EXT2: variants seen among roughly 807,000 people sequenced by gnomAD.
The protein encoded by EXT2 is exostosin glycosyltransferase 2, also known as exostosin-2.
Under a neutral mutation model 81.6 loss-of-function variants are expected in EXT2, and 53 were observed. The ratio of observed to expected loss-of-function variants is 0.65; its 90% CI spans 0.52 to 0.82. EXT2 has a LOEUF of 0.82. Ranked by LOEUF, EXT2 falls within the 40% of genes least tolerant of loss-of-function variation. The pLI, the probability that EXT2 is intolerant of heterozygous loss-of-function variation, is 0.00. For missense variants in EXT2, 774 were observed against 910.2 expected, an observed-to-expected ratio of 0.85 and a Z score of 1.93; for synonymous variants, 320 against 340.0, an observed-to-expected ratio of 0.94 and a Z score of 0.65.
Position 44,245,082 on chromosome 11 carries a change from C to A in EXT2, c.*795C>A, listed in dbSNP as rs76505631. 4.1e-3 allele frequency: 948 copies of A among 230,806 alleles called. 16 individuals are homozygous for A. The highest frequency in any genetic ancestry group is 0.019 in the African/African-American group (877 of 45,320). 14.3% of individuals were successfully genotyped at this position (230,806 alleles called of 1,614,324 possible). A position where few individuals can be genotyped will look rare whatever the true frequency, so the allele number is the denominator to read the frequency against. On this transcript the variant is annotated 3_prime_UTR_variant, in exon 14 of 14. Coordinates refer to ENST00000533608, the MANE Select transcript of EXT2 (RefSeq NM_207122.2). ...AATGTCTGATACCCTCTGCATCAAG[C>A]GTAAGAAGGTCCCAAATCATAACCA... is the stretch of plus-strand genomic sequence containing the variant.
In EXT2 at chr11:44,201,859, G is replaced by A. The variant is rs1955525921; in HGVS notation, c.1495+3841G>A. On this transcript the variant is annotated intron_variant, in intron 9 of 13. Coordinates refer to ENST00000533608, the MANE Select transcript of EXT2 (RefSeq NM_207122.2). ...AATTCCATATCAGGATTATCTAAAG[G>A]CAGGATATAATTTTAATGCTTATTC... is the stretch of plus-strand genomic sequence containing the variant. Among the ~76,000 whole-genome samples, 4 of 151,936 alleles carry A rather than the reference G, an allele frequency of 2.6e-5. No homozygotes were observed. In the South Asian group the frequency reaches 6.2e-4, roughly 24 times the overall value.
At chr11:44,189,229 G>A (rs1472889936) in intron 8 of EXT2, among the ~76,000 whole-genome samples, 1 of 152,200 alleles carries the variant, frequency 6.6e-6, no homozygotes, top group Non-Finnish European at 1.5e-5. Flanking sequence ...GCTTTAAGTT[G>A]ATAATTAACT....
intron 8 of EXT2, among the ~76,000 whole-genome samples, chr11:44,194,139 G>T (rs1955428399): frequency 6.6e-6 from 1 of 152,162 alleles, no homozygotes; most frequent in African/African-American, 2.4e-5. Flanking sequence ...ATGTCATAAA[G>T]ACATTTAAGT....
chr11:44,148,539 A>G (rs1191829116), intron 7 of EXT2, among the ~76,000 whole-genome samples: 4 of 152,232 alleles, frequency 2.6e-5, no homozygotes, highest in Non-Finnish European at 5.9e-5. Flanking sequence ...AAGCAGGACC[A>G]GTAAACCCCC....
chr11:44,161,127 C>T (rs1328177979), intron 7 of EXT2, among the ~76,000 whole-genome samples: 2 of 152,150 alleles, frequency 1.3e-5, no homozygotes, highest in African/African-American at 2.4e-5. Context: ...TAGATTTCAT[C>T]TCTAAGATTT....
At chr11:44,238,354 A>G (rs1393259699) in intron 13 of EXT2, among the ~76,000 whole-genome samples, 1 of 152,056 alleles carries the variant, frequency 6.6e-6, no homozygotes, top group Non-Finnish European at 1.5e-5. Context: ...ACTAGTTCTT[A>G]AATTTTTTGT....
At chr11:44,218,329 T>C (rs1955742619) in intron 10 of EXT2, among the ~76,000 whole-genome samples, 1 of 152,114 alleles carries the variant, frequency 6.6e-6, no homozygotes, top group Non-Finnish European at 1.5e-5. Flanking sequence ...TGTGTGGTAG[T>C]ACAGGGGACC....
At chr11:44,137,452 C>T (rs1438854280) in intron 7 of EXT2, among the ~76,000 whole-genome samples, 2 of 151,822 alleles carry the variant, frequency 1.3e-5, no homozygotes, top group East Asian at 1.9e-4. Context: ...ATAGGTCACC[C>T]GTTTTACTGT....
At chr11:44,134,664 A>G (rs1352942971) in intron 7 of EXT2, among the ~76,000 whole-genome samples, 1 of 152,256 alleles carries the variant, frequency 6.6e-6, no homozygotes, top group Non-Finnish European at 1.5e-5. Flanking sequence ...AAGGCTGGAT[A>G]GACACTAGAC....
intron 8 of EXT2, among the ~76,000 whole-genome samples, chr11:44,195,620 C>T (rs1955447034): frequency 6.6e-6 from 1 of 152,120 alleles, no homozygotes; most frequent in Non-Finnish European, 1.5e-5. Flanking sequence ...TTTCTCATCC[C>T]ACACTGTTAC....
chr11:44,236,516 G>A lies in EXT2; in HGVS notation c.2018+141G>A, dbSNP rs1191376361. 3 of 772,530 alleles carry A rather than the reference G, an allele frequency of 3.9e-6. No homozygotes were observed. In the African/African-American group the frequency reaches 5.1e-5, roughly 13 times the overall value. The allele number at this position is 772,530 out of a possible 1,614,324, so 47.9% of individuals were successfully genotyped here. A position where few individuals can be genotyped will look rare whatever the true frequency, so the allele number is the denominator to read the frequency against. On this transcript the variant is annotated intron_variant, in intron 13 of 13. Coordinates refer to ENST00000533608, the MANE Select transcript of EXT2 (RefSeq NM_207122.2). ...CCTCCATGTGCACTGTGGGAATTGG[G>A]TTAGTTCAAGCCCAGGTCACCCAAA...
chr11:44,221,185 A>T (rs1251614650), intron 10 of EXT2, among the ~76,000 whole-genome samples: 1 of 152,066 alleles, frequency 6.6e-6, no homozygotes, highest in South Asian at 2.1e-4. Context: ...CCCCATTCCA[A>T]ATAAGCCCAT....
intron 1 of EXT2, among the ~76,000 whole-genome samples, chr11:44,102,265 G>A (rs1259424285): frequency 2.0e-5 from 3 of 152,082 alleles, no homozygotes; most frequent in Non-Finnish European, 2.9e-5. Context: ...ACAGTACCAG[G>A]CAACCCTCAA....
chr11:44,219,391 G>A (rs777832160), intron 10 of EXT2, among the ~76,000 whole-genome samples: 2 of 152,004 alleles, frequency 1.3e-5, no homozygotes, highest in Non-Finnish European at 2.9e-5. Flanking sequence ...GCGCTCACCT[G>A]TAGTCCCAGC....
rs541562653 is a variant in EXT2, at chr11:44,246,565, A to G, written c.*2278A>G. Among the ~76,000 whole-genome samples the G allele has an allele frequency of 2.8e-4, 42 of 152,246 alleles. No individual in the cohort carries two copies. The highest frequency in any genetic ancestry group is 8.7e-4 in the African/African-American group (36 of 41,538). ...TACTCCCAGGAATATTGGGTGTTAG[A>G]TCTTGCAACACAGCATAAAACAATT... On this transcript the variant is annotated 3_prime_UTR_variant, in exon 14 of 14. Coordinates refer to ENST00000533608, the MANE Select transcript of EXT2 (RefSeq NM_207122.2).
chr11:44,127,029 T>C lies in EXT2; in HGVS notation c.1079+74T>C, dbSNP rs578057034. The C allele has an allele frequency of 4.6e-5, 71 of 1,557,178 alleles. 1 individual carries two copies. The South Asian group carries it at 7.9e-4, about 17-fold the overall frequency. On this transcript the variant is annotated intron_variant, in intron 6 of 13. Coordinates refer to ENST00000533608, the MANE Select transcript of EXT2 (RefSeq NM_207122.2). The stretch of plus-strand genomic sequence containing the variant: ...TACAAATAAAATCTCCTCAGGTCAT[T>C]GTAATGTATACCCTGGTTCAAGAAC...
chr11:44,145,281 A>C (rs951223728), intron 7 of EXT2, among the ~76,000 whole-genome samples: 1 of 152,188 alleles, frequency 6.6e-6, no homozygotes, highest in African/African-American at 2.4e-5. Context: ...TCTTTTACTC[A>C]TGATGCCTTT....
At chr11:44,198,860 C>T (rs567310306) in intron 9 of EXT2, among the ~76,000 whole-genome samples, 126 of 152,246 alleles carry the variant, frequency 8.3e-4, no homozygotes, top group African/African-American at 2.9e-3. Flanking sequence ...ATACTGAAGT[C>T]GGGAAAGTCA....
At chr11:44,099,340 C>T (rs898809306) in intron 1 of EXT2, among the ~76,000 whole-genome samples, 2 of 152,194 alleles carry the variant, frequency 1.3e-5, no homozygotes, top group African/African-American at 4.8e-5. Context: ...CACCCACCAC[C>T]ATGCCTGGCT....
Sources: allele counts gnomAD v4.1 joint callset (sites outside exome capture counted in the v4.1 genomes callset), GRCh38; gene constraint gnomAD v4.1.1; transcripts MANE v1.5; gene names NCBI Gene and HGNC (gene_info 2026-07-23, HGNC 2026-07-21).